The following ICAM5 variants were observed in gnomAD, a reference collection of about 807,000 sequenced individuals.
ICAM5 encodes the protein intercellular adhesion molecule 5.
A neutral mutation model predicts 78.8 loss-of-function variants in ICAM5; 38 were observed. The ratio of observed to expected loss-of-function variants is 0.48; its 90% CI spans 0.37 to 0.63. ICAM5 has a LOEUF of 0.63. Ranked by LOEUF, ICAM5 falls within the 30% of genes least tolerant of loss-of-function variation. The pLI, the probability that ICAM5 is intolerant of heterozygous loss-of-function variation, is 0.00. For synonymous variants in ICAM5, 544 were observed against 590.9 expected, an observed-to-expected ratio of 0.92 and a Z score of 1.15; for missense variants, 1,059 against 1,303.0, an observed-to-expected ratio of 0.81 and a Z score of 2.88.
In ICAM5 at chr19:10,293,092, A is replaced by C. The variant is rs1444902870; in HGVS notation, c.1311A>C (p.Pro437=). ...TGCGCTGCGAGGCCCGCGGGAACCC[A>C]GAACCCTCAGTGCACTGTGCGCGCT... The part of the protein sequence containing the change: ...QTLRCEARGN[P]EPSVHCARSD... The change falls in exon 6 of 11, where the codon CCA becomes CCC. Residue 437 remains proline (P), a synonymous_variant. Coordinates refer to ENST00000221980, the MANE Select transcript of ICAM5 (RefSeq NM_003259.4). The surrounding 1 kb of genome is among the most constrained non-coding windows in gnomAD (Gnocchi z 5.0). 1 of 1,610,572 alleles carries C rather than the reference A, an allele frequency of 6.2e-7. No individual in the cohort carries two copies. The highest frequency in any genetic ancestry group is 8.5e-7 in the Non-Finnish European group (1 of 1,179,648).
Position 10,290,929 on chromosome 19 carries a change from C to A in ICAM5, c.83-143C>A, listed in dbSNP as rs1346927006. 7.3e-6 allele frequency: 8 copies of A among 1,088,712 alleles called. No homozygotes were observed. Among genetic ancestry groups the A allele is most frequent in the Non-Finnish European group, 1.0e-5 (8 of 775,988 alleles). The allele number at this position is 1,088,712 out of a possible 1,614,324, so 67.4% of individuals were successfully genotyped here. A position where few individuals can be genotyped will look rare whatever the true frequency, so the allele number is the denominator to read the frequency against. On this transcript the variant is annotated intron_variant, in intron 1 of 10. Transcript: ENST00000221980. This position sits in a 1 kb window ranked among gnomAD's most constrained non-coding sequence, Gnocchi z 5.7. ...TGCGCCTTTAAACCGGAGGCCTGGG[C>A]AGGACGCGGGACGCCTGGGTTCTTT...
At position 10,296,450 on chromosome 19, in the gene ICAM5, A is replaced by G; in HGVS notation, c.2609A>G (p.Tyr870Cys). 1 of 1,330,980 alleles carries G rather than the reference A, an allele frequency of 7.5e-7. No individual in the cohort carries two copies. The allele number at this position is 1,330,980 out of a possible 1,614,324, so 82.4% of individuals were successfully genotyped here. A position where few individuals can be genotyped will look rare whatever the true frequency, so the allele number is the denominator to read the frequency against. Reference sequence around the variant, plus strand: ...TCCACCGCCTGCAAGAAGGGCGAGTACAACGTGCAGGAGGCCGAGAGCTCA... The same window carrying G: ...TCCACCGCCTGCAAGAAGGGCGAGTGCAACGTGCAGGAGGCCGAGAGCTCA... Reference protein sequence around the residue: ...VQSTACKKGEYNVQEAESSGE... With the variant: ...VQSTACKKGECNVQEAESSGE... Residue 870 changes from tyrosine to cysteine, a missense_variant, in exon 11 of 11, where the codon TAC becomes TGC. Physicochemically the swap from Tyr to Cys is radical, Grantham distance 194. Transcript: ENST00000221980.
Position 10,290,262 on chromosome 19 carries a change from T to G in ICAM5, c.82+137T>G. 1.7e-6 allele frequency: 1 copy of G among 604,338 alleles called. No individual in the cohort carries two copies. Among genetic ancestry groups the G allele is most frequent in the Non-Finnish European group, 2.7e-6 (1 of 364,806 alleles). The allele number at this position is 604,338 out of a possible 1,614,324, so 37.4% of individuals were successfully genotyped here. On this transcript the variant is annotated intron_variant, in intron 1 of 10. Transcript: ENST00000221980. This position sits in a 1 kb window ranked among gnomAD's most constrained non-coding sequence, Gnocchi z 5.7. The stretch of plus-strand genomic sequence containing the variant: ...GCCCCCACCTCGAGCCTGAGTCTTC[T>G]CCCCTTCCCCCTCCTCCCCAACACA...
At position 10,295,374 on chromosome 19, in the gene ICAM5, C is replaced by A; in HGVS notation, c.2259C>A (p.Ala753=). ...GGCCAGTGGTGGCCGAACTTGCTGCCTCGCCCCCTGGAGGCGTGCGCCCAG... is the reference window on the plus strand; with the variant it reads ...GGCCAGTGGTGGCCGAACTTGCTGCATCGCCCCCTGGAGGCGTGCGCCCAG... The part of the protein sequence containing the change: ...EYRPVVAELA[A]SPPGGVRPGG... The change falls in exon 10 of 11, where the codon GCC becomes GCA. Residue 753 remains alanine (A), a synonymous_variant. Transcript: ENST00000221980. 6.3e-7 allele frequency: 1 copy of A among 1,579,434 alleles called. No individual in the cohort carries two copies. The highest frequency in any genetic ancestry group is 8.6e-7 in the Non-Finnish European group (1 of 1,165,946).
intron 10 of ICAM5, among the ~76,000 whole-genome samples, 162 bp from the exon 11 acceptor site, chr19:10,296,177 A>T (rs1175981295): frequency 1.3e-5 from 2 of 152,162 alleles, no homozygotes; most frequent in Non-Finnish European, 2.9e-5. Context: ...TCGCCCTGGC[A>T]CTGGGAGTGG....
chr19:10,296,240 G>C (rs2040219180), intron 10 of ICAM5, 99 bp from the exon 11 acceptor site: 2 of 1,133,216 alleles, frequency 1.8e-6, no homozygotes, highest in East Asian at 3.4e-5. Context: ...TGAGCTCCCC[G>C]GGGCATGAGG....
At position 10,293,146 on chromosome 19, in the gene ICAM5, C is replaced by T; in HGVS notation, c.1365C>T (p.Gly455=). ...ACGGCGGGGCCGTGCTGGCTCTGGGCCTGCTGGGTCCAGTCACTCGGGCGC... is the reference window on the plus strand; with the variant it reads ...ACGGCGGGGCCGTGCTGGCTCTGGGTCTGCTGGGTCCAGTCACTCGGGCGC... ...RSDGGAVLAL[G]LLGPVTRALS... is the part of the protein sequence containing the mutation. The change falls in exon 6 of 11, where the codon GGC becomes GGT. Residue 455 remains glycine, a synonymous_variant. Coordinates refer to ENST00000221980, the MANE Select transcript of ICAM5 (RefSeq NM_003259.4). This position sits in a 1 kb window ranked among gnomAD's most constrained non-coding sequence, Gnocchi z 5.0. The T allele has an allele frequency of 6.2e-7, 1 of 1,611,034 alleles. No homozygotes were observed. Among genetic ancestry groups the T allele is most frequent in the Non-Finnish European group, 8.5e-7 (1 of 1,178,944 alleles).
At position 10,294,024 on chromosome 19, in the gene ICAM5, C is replaced by T; in HGVS notation, c.1712-16C>T. The T allele has an allele frequency of 1.8e-5, 29 of 1,584,288 alleles. No individual in the cohort carries two copies. The highest frequency in any genetic ancestry group is 2.5e-5 in the Non-Finnish European group (29 of 1,162,802). On this transcript the variant is annotated splice_polypyrimidine_tract_variant and intron_variant, in intron 7 of 10. Transcript: ENST00000221980. The surrounding 1 kb of genome is among the most constrained non-coding windows in gnomAD (Gnocchi z 7.7). Reference sequence around the variant, plus strand: ...TTCCTGGCCCCCGTGTGAGCCCCTGCAATCCTGTTTCCCAGATGGCCCCAG... The same window carrying T: ...TTCCTGGCCCCCGTGTGAGCCCCTGTAATCCTGTTTCCCAGATGGCCCCAG...
Position 10,292,026 on chromosome 19 carries a change from G to T in ICAM5, c.674-9G>T. 6.2e-7 allele frequency: 1 copy of T among 1,608,440 alleles called. No homozygotes were observed. The highest frequency in any genetic ancestry group is 1.1e-5 in the South Asian group (1 of 90,974). On this transcript the variant is annotated splice_polypyrimidine_tract_variant and intron_variant, in intron 3 of 10. Coordinates refer to ENST00000221980, the MANE Select transcript of ICAM5 (RefSeq NM_003259.4). ...GGAGTTAGTTCAAACTTGGTTCTTCGACCCCTAGCCCTGTCTCCGGATGCC... is the reference window on the plus strand; with the variant it reads ...GGAGTTAGTTCAAACTTGGTTCTTCTACCCCTAGCCCTGTCTCCGGATGCC...
Position 10,291,178 on chromosome 19 carries a change from G to A in ICAM5, c.189G>A (p.Glu63=), listed in dbSNP as rs2040168382. 2.5e-6 allele frequency: 4 copies of A among 1,612,240 alleles called. No individual in the cohort carries two copies. The African/African-American group carries it at 5.3e-5, about 22-fold the overall frequency. Residue 63 remains glutamate, a synonymous_variant, in exon 2 of 11, where the codon GAG becomes GAA. Coordinates refer to ENST00000221980, the MANE Select transcript of ICAM5 (RefSeq NM_003259.4). ...LNCSTNCPRP[E]RGGLETSLRR... is the part of the protein sequence containing the mutation. ...GCAGCACCAACTGCCCTCGGCCGGA[G>A]CGCGGTGGCCTGGAGACCTCGCTGC...
chr19:10,292,627 T>G lies in ICAM5; in HGVS notation c.977T>G (p.Leu326Arg), dbSNP rs749355381. 1.1e-5 allele frequency: 17 copies of G among 1,583,284 alleles called. No individual in the cohort carries two copies. The highest frequency in any genetic ancestry group is 1.1e-5 in the Non-Finnish European group (13 of 1,164,876). Reference sequence around the variant, plus strand: ...CCGCCCCCAGGCTTCCCGGCACCACTCCTGACCCTGAGCGAACCCAGCGTC... The same window carrying G: ...CCGCCCCCAGGCTTCCCGGCACCACGCCTGACCCTGAGCGAACCCAGCGTC... ...NVTIYSFPAP[L>R]LTLSEPSVSE... Residue 326 changes from leucine to arginine, a missense_variant, in exon 5 of 11, where the codon CTC becomes CGC. This residue lies in a region of ICAM5 where 815 missense variants were observed against 952.8 expected (regional missense o/e 0.86). Coordinates refer to ENST00000221980, the MANE Select transcript of ICAM5 (RefSeq NM_003259.4).
chr19:10,292,584 A>G (rs750125061), intron 4 of ICAM5, 28 bp from the exon 5 acceptor site: 1 of 1,542,736 alleles, frequency 6.5e-7, no homozygotes, highest in South Asian at 1.2e-5. Flanking sequence ...TATGGTCAGT[A>G]TACTACGACC....
chr19:10,292,555 C>G, intron 4 of ICAM5, 57 bp from the exon 5 acceptor site: 5 of 1,516,458 alleles, frequency 3.3e-6, no homozygotes, highest in Non-Finnish European at 4.4e-6. Context: ...AAGGGGCGGG[C>G]CTTGACCGGA....
Position 10,294,550 on chromosome 19 carries a change from C to A in ICAM5, c.2140C>A (p.Arg714Ser), listed in dbSNP as rs1459473315. Residue 714 changes from arginine (R) to serine (S), a missense_variant, in exon 9 of 11, where the codon CGC becomes AGC. Arg to Ser is a moderately radical substitution (Grantham distance 110). Coordinates refer to ENST00000221980, the MANE Select transcript of ICAM5 (RefSeq NM_003259.4). The surrounding 1 kb of genome is among the most constrained non-coding windows in gnomAD (Gnocchi z 7.7). ...REGIPWPEQQ[R>S]VSREDAGTYH... ...AGGCATCCCATGGCCTGAGCAGCAG[C>A]GCGTGTCCCGAGAGGACGCGGGCAC... 1 of 1,612,372 alleles carries A rather than the reference C, an allele frequency of 6.2e-7. No homozygotes were observed. The highest frequency in any genetic ancestry group is 1.1e-5 in the South Asian group (1 of 91,052).
Position 10,290,016 on chromosome 19 carries a change from C to T in ICAM5, c.-28C>T, listed in dbSNP as rs1289014709. ...CCAGCTCCTCGGCTCGCGCTCTCCT[C>T]GCCTCCTGTGCTTTCCCCGCCGCGG... On this transcript the variant is annotated 5_prime_UTR_variant, in exon 1 of 11. Coordinates refer to ENST00000221980, the MANE Select transcript of ICAM5 (RefSeq NM_003259.4). This position sits in a 1 kb window ranked among gnomAD's most constrained non-coding sequence, Gnocchi z 5.7. The T allele has an allele frequency of 6.5e-7, 1 of 1,530,988 alleles. No homozygotes were observed. Among genetic ancestry groups the T allele is most frequent in the Non-Finnish European group, 8.8e-7 (1 of 1,142,146 alleles). 94.8% of individuals were successfully genotyped at this position (1,530,988 alleles called of 1,614,324 possible).
rs535327850 is a variant in ICAM5 at position 10,294,481 on chromosome 19, G to A, written c.2071G>A (p.Ala691Thr). Residue 691 changes from alanine to threonine, a missense_variant, in exon 9 of 11, where the codon GCC (alanine) becomes ACC (threonine). By Grantham distance (58) the Ala-to-Thr change is moderately conservative (BLOSUM62 0). Transcript: ENST00000221980. This position sits in a 1 kb window ranked among gnomAD's most constrained non-coding sequence, Gnocchi z 7.7. ...EGAEASALACAARGRPSPGVR... is the reference protein window; with the variant it reads ...EGAEASALACTARGRPSPGVR... ...GGCTGAGGCTTCCGCGCTGGCCTGC[G>A]CCGCCCGGGGTCGCCCTTCCCCAGG... is the stretch of plus-strand genomic sequence containing the variant. 1.9e-6 allele frequency: 3 copies of A among 1,607,626 alleles called. No individual in the cohort carries two copies. The highest frequency in any genetic ancestry group is 2.7e-5 in the African/African-American group (2 of 74,938).
rs993377419 is a variant in ICAM5 at position 10,290,594 on chromosome 19, C to T, written c.82+469C>T. ...CTTCCATGAGCCCAGCCTTGCGTCC[C>T]GGCTCCGTGTTCTTCACCGGGTGTA... On this transcript the variant is annotated intron_variant, in intron 1 of 10. Coordinates refer to ENST00000221980, the MANE Select transcript of ICAM5 (RefSeq NM_003259.4). The surrounding 1 kb of genome is among the most constrained non-coding windows in gnomAD (Gnocchi z 5.7). The T allele has an allele frequency of 2.0e-5, 4 of 201,506 alleles. No homozygotes were observed. The highest frequency in any genetic ancestry group is 1.1e-4 in the Admixed American group (2 of 18,008). 12.5% of individuals were successfully genotyped at this position (201,506 alleles called of 1,614,324 possible). A position where few individuals can be genotyped will look rare whatever the true frequency, so the allele number is the denominator to read the frequency against.
In ICAM5 at chr19:10,290,722, T is replaced by C. The variant is rs1289433879; in HGVS notation, c.83-350T>C. The C allele has an allele frequency of 1.0e-5, 4 of 384,456 alleles. No individual in the cohort carries two copies. The highest frequency in any genetic ancestry group is 1.4e-5 in the Non-Finnish European group (3 of 212,036). 23.8% of individuals were successfully genotyped at this position (384,456 alleles called of 1,614,324 possible). On this transcript the variant is annotated intron_variant, in intron 1 of 10. Coordinates refer to ENST00000221980, the MANE Select transcript of ICAM5 (RefSeq NM_003259.4). This position sits in a 1 kb window ranked among gnomAD's most constrained non-coding sequence, Gnocchi z 5.7. ...TTCTGCCAGGACCCTGAGAACTGGTTCATCCCCCATCCCCCATCCCGGGTC... is the reference window on the plus strand; with the variant it reads ...TTCTGCCAGGACCCTGAGAACTGGTCCATCCCCCATCCCCCATCCCGGGTC...
chr19:10,291,896 C>G, intron 3 of ICAM5, 87 bp downstream of exon 3: 1 of 1,503,126 alleles, frequency 6.7e-7, no homozygotes, highest in Non-Finnish European at 9.1e-7. Flanking sequence ...GAATGCTGAC[C>G]CCGACTTCAA....
Sources: gnomAD v4.1 joint callset for allele counts (sites outside exome capture counted in the v4.1 genomes callset) on GRCh38, gnomAD v4.1.1 for gene constraint, gnomAD v4.1.1 regional missense constraint, Gnocchi (gnomAD v3.1) non-coding constraint, MANE v1.5 for transcripts, NCBI Gene and HGNC (gene_info 2026-07-23, HGNC 2026-07-21) for gene names.